Variants in SCFD1 observed in about 807,000 individuals in gnomAD.
The protein encoded by SCFD1 is sec1 family domain containing 1, also known as sec1 family domain-containing protein 1.
SCFD1 carries 37 observed loss-of-function variants against 103.2 expected under a neutral mutation model. The ratio of observed to expected loss-of-function variants is 0.36; its 90% confidence interval spans 0.28 to 0.47. SCFD1 has a LOEUF of 0.47. SCFD1 is among the 20% of genes least tolerant of loss of function. The pLI is 1.00. For missense variants in SCFD1, 639 were observed against 761.2 expected (o/e 0.84, Z 1.89); for synonymous variants, 264 against 245.0 (o/e 1.08, Z -0.73).
chr14:30,735,470 G>C (rs1893778667), intron 24 of SCFD1, 116 bp from the exon 25 acceptor site: 1 of 723,496 alleles, frequency 1.4e-6, no homozygotes, highest in Non-Finnish European at 2.4e-6. Flanking sequence ...ATTATTCTAG[G>C]AATGCAGTGA....
chr14:30,673,877 G>C (rs1455805392), intron 12 of SCFD1, 47 bp from the exon 13 acceptor site: 4 of 1,286,114 alleles, frequency 3.1e-6, no homozygotes, highest in Non-Finnish European at 3.4e-6. Context: ...TTTTATGCTT[G>C]TGCCTGGGAT....
At chr14:30,708,195 T>C (rs1264309231) in intron 19 of SCFD1, 130 bp downstream of exon 19, 1 of 630,272 alleles carries the variant, frequency 1.6e-6, no homozygotes, top group Non-Finnish European at 2.8e-6. Flanking sequence ...AGGAGTTCCT[T>C]TTTTTTTAAG....
At chr14:30,696,010 C>A (rs1890676445) in intron 15 of SCFD1, among the ~76,000 whole-genome samples, 1 of 152,102 alleles carries the variant, frequency 6.6e-6, no homozygotes, top group African/African-American at 2.4e-5. Flanking sequence ...ACTTTAGAGA[C>A]CTGTAGATCA....
chr14:30,651,238 C>T (rs1473810548), intron 9 of SCFD1, among the ~76,000 whole-genome samples: 1 of 152,042 alleles, frequency 6.6e-6, no homozygotes, highest in African/African-American at 2.4e-5. Context: ...AGATTATATT[C>T]TGGAAAATTA....
chr14:30,680,912 G>C (rs895235711), intron 14 of SCFD1, among the ~76,000 whole-genome samples: 1 of 152,074 alleles, frequency 6.6e-6, no homozygotes, highest in African/African-American at 2.4e-5. Context: ...TTAACTTGCT[G>C]TTCTTTTTCT....
At chr14:30,645,668 A>C (rs1269943327) in intron 7 of SCFD1, among the ~76,000 whole-genome samples, 1 of 152,114 alleles carries the variant, frequency 6.6e-6, no homozygotes, top group African/African-American at 2.4e-5. Flanking sequence ...GTTTTTGTAC[A>C]TTGACTTTTG....
At chr14:30,653,798 A>C (rs1350427458) in intron 10 of SCFD1, 1 of 394,116 alleles carries the variant, frequency 2.5e-6, no homozygotes, top group African/African-American at 2.1e-5. Context: ...TATGATCTTT[A>C]TAGGGTAAAG....
At chr14:30,708,802 G>T (rs985369096) in intron 19 of SCFD1, among the ~76,000 whole-genome samples, 1 of 151,808 alleles carries the variant, frequency 6.6e-6, no homozygotes, top group Non-Finnish European at 1.5e-5. Context: ...CCTCGATTTC[G>T]CATTTTCTTT....
Sources: allele counts gnomAD v4.1 joint callset (sites outside exome capture counted in the v4.1 genomes callset), GRCh38; gene constraint gnomAD v4.1.1; transcripts MANE v1.5; gene names NCBI Gene and HGNC (gene_info 2026-07-23, HGNC 2026-07-21).